AFG2A: variants seen among roughly 807,000 people sequenced by gnomAD.
AFG2A encodes AAA ATPase AFG2A, also known as ATPase family gene 2 protein homolog A.
the AFG2A span, among the ~76,000 whole-genome samples, chr4:123,147,995 G>A: frequency 6.6e-6 from 1 of 152,080 alleles, no homozygotes; most frequent in African/African-American, 2.4e-5. Flanking sequence ...ATTCTATTGG[G>A]ATAGTAGAGT....
At chr4:122,991,725 C>A in the AFG2A span, among the ~76,000 whole-genome samples, 1 of 152,080 alleles carries the variant, frequency 6.6e-6, no homozygotes, top group Non-Finnish European at 1.5e-5. Flanking sequence ...GTTTTGAATT[C>A]TTTTTGAGAC....
At chr4:123,082,806 A>C in the AFG2A span, among the ~76,000 whole-genome samples, 29 of 152,024 alleles carry the variant, frequency 1.9e-4, no homozygotes, top group Non-Finnish European at 3.5e-4. Flanking sequence ...TGAGTGTGGA[A>C]TATCTCTCCA....
the AFG2A span, among the ~76,000 whole-genome samples, chr4:122,967,388 G>C: frequency 6.6e-6 from 1 of 151,708 alleles, no homozygotes; most frequent in Admixed American, 6.6e-5. Flanking sequence ...AATAGAGCAA[G>C]ACCTTGTCTC....
the AFG2A span, among the ~76,000 whole-genome samples, chr4:123,118,501 C>T: frequency 9.9e-5 from 15 of 151,092 alleles, no homozygotes; most frequent in East Asian, 2.7e-3. Context: ...TTTCCTCATC[C>T]TTTTGTAGGA....
chr4:122,935,957 C>A, the AFG2A span: 1 of 1,315,152 alleles, frequency 7.6e-7, no homozygotes, highest in Non-Finnish European at 1.0e-6. Context: ...AAATATTTTG[C>A]TTCTTAATAA....
chr4:123,012,921 G>GC, the AFG2A span, among the ~76,000 whole-genome samples: 7 of 152,096 alleles, frequency 4.6e-5, no homozygotes, highest in Non-Finnish European at 8.8e-5. Context: ...CCCAAGGCAG[G>GC]CCCCCCTATC....
the AFG2A span, among the ~76,000 whole-genome samples, chr4:123,037,690 G>T: frequency 2.6e-5 from 4 of 152,006 alleles, no homozygotes; most frequent in African/African-American, 9.7e-5. Context: ...CTTCACCTTT[G>T]CCACTCGATC....
the AFG2A span, among the ~76,000 whole-genome samples, chr4:122,991,109 A>G: frequency 6.6e-6 from 1 of 152,324 alleles, no homozygotes; most frequent in East Asian, 1.9e-4. Context: ...TGTATTTTGC[A>G]ATGTGAATGC....
the AFG2A span, among the ~76,000 whole-genome samples, chr4:123,113,509 A>T: frequency 5.3e-5 from 8 of 152,204 alleles, no homozygotes; most frequent in Non-Finnish European, 1.0e-4. Context: ...TAAAAAAAAA[A>T]ATCTGGCTGT....
chr4:123,288,853 C>G, the AFG2A span, among the ~76,000 whole-genome samples: 1 of 152,256 alleles, frequency 6.6e-6, no homozygotes, highest in African/African-American at 2.4e-5. Context: ...CTGTCACATT[C>G]AGACACTCTC....
the AFG2A span, among the ~76,000 whole-genome samples, chr4:123,229,681 A>C: frequency 3.0e-4 from 46 of 152,116 alleles, no homozygotes; most frequent in African/African-American, 9.9e-4. Context: ...TTCTGGGATG[A>C]TGGAAATGCC....
the AFG2A span, among the ~76,000 whole-genome samples, chr4:123,224,483 A>G: frequency 6.6e-6 from 1 of 151,678 alleles, no homozygotes; most frequent in Non-Finnish European, 1.5e-5. Flanking sequence ...TCCTTGCGAT[A>G]GTTTGCTGAG....
At chr4:123,171,407 G>A in the AFG2A span, among the ~76,000 whole-genome samples, 1 of 151,946 alleles carries the variant, frequency 6.6e-6, no homozygotes, top group Non-Finnish European at 1.5e-5. Context: ...CAAGAAATGA[G>A]GAAACAGAAA....
chr4:122,998,234 T>A, the AFG2A span, among the ~76,000 whole-genome samples: 1 of 152,140 alleles, frequency 6.6e-6, no homozygotes, highest in Non-Finnish European at 1.5e-5. Flanking sequence ...TCCAAGGGCT[T>A]TAAGGTTTAC....
the AFG2A span, among the ~76,000 whole-genome samples, chr4:123,247,759 C>T: frequency 2.6e-5 from 4 of 152,022 alleles, no homozygotes; most frequent in Non-Finnish European, 4.4e-5. Context: ...TAACACATTC[C>T]TCTCATAACT....
chr4:123,260,426 T>G, the AFG2A span, among the ~76,000 whole-genome samples: 1 of 152,224 alleles, frequency 6.6e-6, no homozygotes, highest in Non-Finnish European at 1.5e-5. Context: ...AAAATCACCT[T>G]CTAGTTTGCC....
chr4:123,204,725 T>C, the AFG2A span, among the ~76,000 whole-genome samples: 2 of 152,182 alleles, frequency 1.3e-5, no homozygotes, highest in African/African-American at 2.4e-5. Flanking sequence ...CTCATAGGGT[T>C]TTAAAGAAAA....
chr4:123,062,979 A>G, the AFG2A span, among the ~76,000 whole-genome samples: 2 of 152,198 alleles, frequency 1.3e-5, no homozygotes, highest in African/African-American at 2.4e-5. Context: ...GTTGTACTCT[A>G]TTTGCACTGA....
the AFG2A span, among the ~76,000 whole-genome samples, chr4:123,121,940 C>T: frequency 1.3e-5 from 2 of 152,074 alleles, no homozygotes; most frequent in Non-Finnish European, 2.9e-5. Context: ...TTTGTCTGGG[C>T]AGATTTGACT....
Sources: gnomAD v4.1 joint callset for allele counts (sites outside exome capture counted in the v4.1 genomes callset) on GRCh38, gnomAD v4.1.1 for gene constraint, MANE v1.5 for transcripts, NCBI Gene and HGNC (gene_info 2026-07-23, HGNC 2026-07-21) for gene names.